Variants in PLEKHA7 observed in about 807,000 individuals in gnomAD.
PLEKHA7 encodes the protein pleckstrin homology domain-containing family A member 7.
A neutral mutation model predicts 170.0 loss-of-function variants in PLEKHA7; 104 were observed. The ratio of observed to expected loss-of-function variants is 0.61; its 90% CI spans 0.52 to 0.72. The LOEUF (loss-of-function observed/expected upper bound fraction) is 0.72. PLEKHA7 is among the 30% of genes least tolerant of loss of function. The pLI, the probability that PLEKHA7 is intolerant of heterozygous loss-of-function variation, is 0.00. For missense variants in PLEKHA7, 1,615 were observed against 1,671.7 expected (o/e 0.97, Z 0.59); for synonymous variants, 648 against 660.8 (o/e 0.98, Z 0.30).
At chr11:16,983,749 A>G (rs1863572806) in intron 3 of PLEKHA7, among the ~76,000 whole-genome samples, 1 of 152,176 alleles carries the variant, frequency 6.6e-6, no homozygotes, top group Admixed American at 6.5e-5. Context: ...CCCAAGTCCA[A>G]TACTCATCAC....
intron 3 of PLEKHA7, among the ~76,000 whole-genome samples, chr11:16,908,277 T>TC (rs1446314966): frequency 2.3e-5 from 3 of 128,694 alleles, no homozygotes; most frequent in Non-Finnish European, 5.4e-5. Flanking sequence ...AAAAGAAAAT[T>TC]GGAAAAAAAA....
chr11:16,909,993 G>T (rs113289130), intron 3 of PLEKHA7, among the ~76,000 whole-genome samples: 6 of 152,196 alleles, frequency 3.9e-5, no homozygotes, highest in African/African-American at 1.4e-4. Context: ...ACCAAGAAGA[G>T]GTAGATCAAA....
Position 16,851,095 on chromosome 11 carries a change from T to C in PLEKHA7, c.696+96A>G, listed in dbSNP as rs6486315. ...CCGGAATCTGAAACTCTCTAGCTTC[T>C]TCCCCCTCCCGACAAAAGCAACTGC... On this transcript the variant is annotated intron_variant, in intron 8 of 26. Transcript: ENST00000531066. The C allele has an allele frequency of 0.016, 14,050 of 894,022 alleles. 1,217 individuals carry two copies. The African/African-American group carries it at 0.2, about 13-fold the overall frequency. 55.4% of individuals were successfully genotyped at this position (894,022 alleles called of 1,614,324 possible). A position where few individuals can be genotyped will look rare whatever the true frequency, so the allele number is the denominator to read the frequency against.
intron 8 of PLEKHA7, among the ~76,000 whole-genome samples, chr11:16,847,960 G>GAACT (rs1405305843): frequency 1.3e-5 from 2 of 152,002 alleles, no homozygotes; most frequent in African/African-American, 2.4e-5. Context: ...CATAGAGGAT[G>GAACT]AACTGTAGGC....
At position 17,013,997 on chromosome 11, in the gene PLEKHA7, G is replaced by A; in HGVS notation, c.213C>T (p.Tyr71=). 1.3e-6 allele frequency: 2 copies of A among 1,544,446 alleles called. No individual in the cohort carries two copies. Among genetic ancestry groups the A allele is most frequent in the South Asian group, 1.2e-5 (1 of 83,664 alleles). Residue 71 remains tyrosine, a synonymous_variant, in exon 3 of 27, where the codon TAC becomes TAT. Transcript: ENST00000531066. ...EEGFTEEGAS[Y]FIDHNQQTTA... ...CGGCCCCACTCACTCACTCGATGAA[G>A]TAGCTGGCGCCCTCCTCCGTGAAGC...
At position 16,991,689 on chromosome 11, in the gene PLEKHA7, G is replaced by T. The variant is rs573539309; in HGVS notation, c.221+22300C>A. The stretch of plus-strand genomic sequence containing the variant: ...GGGGTTGGAGAGGGGACAAGATGAC[G>T]TGGGCCTCATGGGCCACGAAGGATT... On this transcript the variant is annotated intron_variant, in intron 3 of 26. Coordinates refer to ENST00000531066, the MANE Select transcript of PLEKHA7 (RefSeq NM_001329630.2). Among the ~76,000 whole-genome samples, 5 of 152,316 alleles carry T rather than the reference G, an allele frequency of 3.3e-5. No individual in the cohort carries two copies. In the South Asian group the frequency reaches 1.0e-3, roughly 32 times the overall value.
chr11:16,936,985 C>T (rs1319327284), intron 3 of PLEKHA7, among the ~76,000 whole-genome samples: 1 of 152,236 alleles, frequency 6.6e-6, no homozygotes, highest in Admixed American at 6.5e-5. Flanking sequence ...TTTCCCTCCC[C>T]CTGAGCCTCA....
rs117142941 is a variant in PLEKHA7 at position 16,789,754 on chromosome 11, C to T, written c.3156+21G>A. On this transcript the variant is annotated intron_variant, in intron 22 of 26. Transcript: ENST00000531066. This position sits in a 1 kb window ranked among gnomAD's most constrained non-coding sequence, Gnocchi z 4.6. ...CCATGTGAAGGAGCAGGGAGGTCCT[C>T]GACAGCTCAAGGCCACTCACAGGGA... 16 of 1,598,196 alleles carry T rather than the reference C, an allele frequency of 1.0e-5. No homozygotes were observed. Among genetic ancestry groups the T allele is most frequent in the South Asian group, 2.2e-5 (2 of 90,404 alleles).
chr11:16,810,902 G>C (rs1320543470), intron 13 of PLEKHA7, among the ~76,000 whole-genome samples: 1 of 152,152 alleles, frequency 6.6e-6, no homozygotes, highest in African/African-American at 2.4e-5. Context: ...AAACTCATTA[G>C]CCTTTCGGAG....
intron 9 of PLEKHA7, among the ~76,000 whole-genome samples, chr11:16,831,881 C>T (rs1011030556): frequency 6.6e-6 from 1 of 152,228 alleles, no homozygotes; most frequent in African/African-American, 2.4e-5. Context: ...GTATTCCCTC[C>T]TCCCTTGCCC....
intron 3 of PLEKHA7, among the ~76,000 whole-genome samples, chr11:16,942,707 C>G (rs1590679383): frequency 6.6e-6 from 1 of 152,226 alleles, no homozygotes; most frequent in African/African-American, 2.4e-5. Flanking sequence ...TCCAAGCCCA[C>G]AGTTTAAAAA....
intron 12 of PLEKHA7, chr11:16,813,398 C>T: frequency 2.3e-6 from 1 of 438,198 alleles, no homozygotes; most frequent in Non-Finnish European, 4.3e-6. Flanking sequence ...TTGTCCCCCA[C>T]TGGCTAGGGG....
chr11:16,900,673 G>T (rs1404368772), intron 3 of PLEKHA7, among the ~76,000 whole-genome samples: 1 of 152,072 alleles, frequency 6.6e-6, no homozygotes, highest in Admixed American at 6.5e-5. Flanking sequence ...GGGCAAGAAA[G>T]AAATGAGAGG....
chr11:16,786,887 C>T (rs1304975756), intron 23 of PLEKHA7: 40 of 985,194 alleles, frequency 4.1e-5, no homozygotes, highest in Non-Finnish European at 4.8e-5. Flanking sequence ...TGGGGGATCT[C>T]GCACTTACAG....
intron 3 of PLEKHA7, among the ~76,000 whole-genome samples, chr11:16,981,455 T>TG (rs1169307229): frequency 6.6e-6 from 1 of 152,118 alleles, no homozygotes; most frequent in African/African-American, 2.4e-5. Flanking sequence ...AAGAGCTTCC[T>TG]GGAACACCTG....
intron 3 of PLEKHA7, among the ~76,000 whole-genome samples, chr11:16,942,599 G>A (rs192853152): frequency 1.1e-4 from 16 of 152,280 alleles, no homozygotes; most frequent in Admixed American, 5.2e-4. Context: ...AAACACCATC[G>A]GGGAAGAGAG....
intron 3 of PLEKHA7, among the ~76,000 whole-genome samples, chr11:16,890,385 T>C (rs1856532038): frequency 6.6e-6 from 1 of 152,164 alleles, no homozygotes; most frequent in African/African-American, 2.4e-5. Context: ...TCCAACCACA[T>C]GCTGCATACA....
intron 21 of PLEKHA7, 93 bp downstream of exon 21, chr11:16,790,705 G>C (rs563256527): frequency 6.9e-6 from 9 of 1,300,978 alleles, no homozygotes; most frequent in South Asian, 5.5e-5. Context: ...CCTAGGCCTA[G>C]AGCTGCAGGC....
chr11:16,999,814 T>C (rs756807627), intron 3 of PLEKHA7, among the ~76,000 whole-genome samples: 1 of 152,182 alleles, frequency 6.6e-6, no homozygotes, highest in Non-Finnish European at 1.5e-5. Flanking sequence ...AGCTCAGAGA[T>C]GCTTCTACTT....
Sources: gnomAD v4.1 joint callset for allele counts (sites outside exome capture counted in the v4.1 genomes callset) on GRCh38, gnomAD v4.1.1 for gene constraint, Gnocchi (gnomAD v3.1) non-coding constraint, MANE v1.5 for transcripts, NCBI Gene and HGNC (gene_info 2026-07-23, HGNC 2026-07-21) for gene names.